Variants in DNER observed in about 807,000 individuals in gnomAD.
DNER encodes delta and Notch-like epidermal growth factor-related receptor.
A neutral mutation model predicts 78.2 loss-of-function variants in DNER; 33 were observed. The ratio of observed to expected loss-of-function variants is 0.42; its 90% CI spans 0.32 to 0.56. DNER has a LOEUF of 0.56. Among genes scored for constraint, DNER ranks in the 20% least tolerant of loss-of-function variants. DNER has a pLI of 0.11. For missense variants in DNER, 918 were observed against 975.3 expected, an observed-to-expected ratio of 0.94 and a Z score of 0.78; for synonymous variants, 417 against 384.8, an observed-to-expected ratio of 1.08 and a Z score of -0.98.
In DNER at chr2:229,517,476, C is replaced by T. The variant is rs114233311; in HGVS notation, c.994-4540G>A. 2.9e-3 allele frequency among the ~76,000 whole-genome samples: 446 copies of T among 152,290 alleles called. 6 individuals are homozygous for T. The highest frequency in any genetic ancestry group is 0.01 in the African/African-American group (421 of 41,546). ...ACAGGGCCAGGACTTGCTGGAGGTG[C>T]AGAGTGGCCATGGAGGCATCCGAGG... is the stretch of plus-strand genomic sequence containing the variant. On this transcript the variant is annotated intron_variant, in intron 5 of 12. Transcript: ENST00000341772.
intron 1 of DNER, among the ~76,000 whole-genome samples, chr2:229,605,439 TC>T (rs1259797072): frequency 4.6e-5 from 7 of 152,220 alleles, no homozygotes. Context: ...ACAGTACTGA[TC>T]ATTCAAATTA....
chr2:229,662,646 C>G (rs1261292978), intron 1 of DNER, among the ~76,000 whole-genome samples: 3 of 152,164 alleles, frequency 2.0e-5, no homozygotes, highest in Admixed American at 2.0e-4. Context: ...TCCATATAAT[C>G]TAGAGCCTAC....
At position 229,679,677 on chromosome 2, in the gene DNER, C is replaced by G. The variant is rs565315168; in HGVS notation, c.276+34471G>C. The stretch of plus-strand genomic sequence containing the variant: ...TCAAGCCACTAATGCCTTATTCTGC[C>G]TGTCTGATGGCCCATTTGGTATTTG... On this transcript the variant is annotated intron_variant, in intron 1 of 12. Transcript: ENST00000341772. Among the ~76,000 whole-genome samples, 29 of 152,330 alleles carry G rather than the reference C, an allele frequency of 1.9e-4. 1 individual carries two copies. In the South Asian group the frequency reaches 6.0e-3, roughly 32 times the overall value.
rs1241102873 is a variant in DNER, at chr2:229,447,551, A to G, written c.1262-11T>C. Reference sequence around the variant, plus strand: ...CAGATCCGAAGTATCCTGTGAAAAAACACATGAGAGCTTAAAAAAACTAAA... The same window carrying G: ...CAGATCCGAAGTATCCTGTGAAAAAGCACATGAGAGCTTAAAAAAACTAAA... On this transcript the variant is annotated splice_polypyrimidine_tract_variant and intron_variant, in intron 7 of 12. Coordinates refer to ENST00000341772, the MANE Select transcript of DNER (RefSeq NM_139072.4). 3 of 1,612,310 alleles carry G rather than the reference A, an allele frequency of 1.9e-6. No homozygotes were observed. The South Asian group carries it at 3.3e-5, about 18-fold the overall frequency.
At chr2:229,647,356 T>A (rs114580958) in intron 1 of DNER, among the ~76,000 whole-genome samples, 26 of 152,256 alleles carry the variant, frequency 1.7e-4, no homozygotes, top group African/African-American at 5.8e-4. Flanking sequence ...AACTAATCAG[T>A]TGACATGATT....
At chr2:229,490,576 GT>G (rs1695378203) in intron 6 of DNER, among the ~76,000 whole-genome samples, 1 of 152,066 alleles carries the variant, frequency 6.6e-6, no homozygotes, top group Non-Finnish European at 1.5e-5. Context: ...GAGCTGGGGG[GT>G]GGGGAGGATG....
At chr2:229,434,060 G>C (rs558201008) in intron 8 of DNER, among the ~76,000 whole-genome samples, 14 of 152,142 alleles carry the variant, frequency 9.2e-5, no homozygotes, top group Non-Finnish European at 1.5e-4. Flanking sequence ...TATATCAGAG[G>C]TGGCCTCATA....
At position 229,684,126 on chromosome 2, in the gene DNER, GTGTGTGTGTC is replaced by G. The variant is rs1390182144; in HGVS notation, c.276+30012_276+30021del. On this transcript the variant is annotated intron_variant, in intron 1 of 12. Transcript: ENST00000341772. ...AGTGTGTGTGTGTGTGTGTGTGTTTGTGTGTGTGTCTGTGTATGTGAGAGAGAGAGAGAGA... is the reference window on the plus strand; with the variant it reads ...AGTGTGTGTGTGTGTGTGTGTGTTTGTGTGTATGTGAGAGAGAGAGAGAGA... Among the ~76,000 whole-genome samples the G allele has an allele frequency of 2.9e-3, 420 of 145,238 alleles. 3 individuals are homozygous for G. Among genetic ancestry groups the G allele is most frequent in the Non-Finnish European group, 4.4e-3 (290 of 66,648 alleles).
At chr2:229,671,669 G>A (rs186094844) in intron 1 of DNER, among the ~76,000 whole-genome samples, 1 of 152,312 alleles carries the variant, frequency 6.6e-6, no homozygotes, top group East Asian at 1.9e-4. Context: ...AGAGTCCCCA[G>A]TATTTCCCAA....
chr2:229,414,689 T>G (rs756376687), intron 9 of DNER, among the ~76,000 whole-genome samples: 2 of 152,198 alleles, frequency 1.3e-5, no homozygotes, highest in Non-Finnish European at 2.9e-5. Context: ...GCAAGAGTGG[T>G]GGACACAGCC....
intron 12 of DNER, among the ~76,000 whole-genome samples, chr2:229,361,480 A>G (rs1329679691): frequency 6.6e-6 from 1 of 152,206 alleles, no homozygotes; most frequent in Non-Finnish European, 1.5e-5. Flanking sequence ...AACATAGTCA[A>G]GCCTATTCAC....
At chr2:229,534,686 C>T (rs1696371040) in intron 5 of DNER, among the ~76,000 whole-genome samples, 1 of 152,104 alleles carries the variant, frequency 6.6e-6, no homozygotes, top group African/African-American at 2.4e-5. Context: ...TTAAAACAGA[C>T]ATTAAAGAAA....
chr2:229,526,663 C>T (rs1447640743), intron 5 of DNER, among the ~76,000 whole-genome samples: 2 of 152,212 alleles, frequency 1.3e-5, no homozygotes, highest in East Asian at 1.9e-4. Flanking sequence ...CTAATGCCTC[C>T]GCTGATCGGA....
intron 1 of DNER, among the ~76,000 whole-genome samples, chr2:229,604,558 C>CG (rs1559180099): frequency 6.6e-6 from 1 of 152,076 alleles, no homozygotes. Context: ...TAGTAAAAGT[C>CG]GGGGGAGGCT....
At chr2:229,564,586 C>T (rs1293590758) in intron 4 of DNER, among the ~76,000 whole-genome samples, 2 of 150,724 alleles carry the variant, frequency 1.3e-5, no homozygotes, top group African/African-American at 2.5e-5. Context: ...ATCACCCCAT[C>T]ACCATCATCA....
chr2:229,613,883 C>G (rs114682341), intron 1 of DNER, among the ~76,000 whole-genome samples: 2,574 of 151,870 alleles, frequency 0.017, 78 homozygotes, highest in African/African-American at 0.06. Flanking sequence ...GTTTTAAATT[C>G]CTTTTTTTTT....
In DNER at chr2:229,394,220, C is replaced by T. The variant is rs113515436; in HGVS notation, c.1724-5824G>A. The stretch of plus-strand genomic sequence containing the variant: ...GATACTTACCATAAATCCTGCCCTT[C>T]GGTCAAAACAACCTTGATGTTATTG... On this transcript the variant is annotated intron_variant, in intron 10 of 12. Transcript: ENST00000341772. Among the ~76,000 whole-genome samples, 837 of 152,264 alleles carry T rather than the reference C, an allele frequency of 5.5e-3. 8 individuals are homozygous for T. Among genetic ancestry groups the T allele is most frequent in the African/African-American group, 0.019 (798 of 41,540 alleles).
chr2:229,380,451 G>A (rs371261798), intron 11 of DNER, among the ~76,000 whole-genome samples: 79 of 152,284 alleles, frequency 5.2e-4, no homozygotes, highest in African/African-American at 1.5e-3. Flanking sequence ...GTGACAGAGC[G>A]CGGAAGGGAG....
intron 1 of DNER, among the ~76,000 whole-genome samples, chr2:229,602,346 A>G (rs1697845817): frequency 6.6e-6 from 1 of 152,192 alleles, no homozygotes. Flanking sequence ...TTATCTGATA[A>G]AGAGTATCTA....
Sources: allele counts gnomAD v4.1 joint callset (sites outside exome capture counted in the v4.1 genomes callset), GRCh38; gene constraint gnomAD v4.1.1; transcripts MANE v1.5; gene names NCBI Gene and HGNC (gene_info 2026-07-23, HGNC 2026-07-21).